MGAM2: variants seen among roughly 807,000 people sequenced by gnomAD.
The protein encoded by MGAM2 is probable maltase-glucoamylase 2.
A neutral mutation model predicts 96.1 loss-of-function variants in MGAM2; 98 were observed. The observed-to-expected ratio is 1.02, with a 90% CI of 0.87 to 1.21. The LOEUF (loss-of-function observed/expected upper bound fraction) is 1.21, where lower values mean the gene tolerates loss of function less well. MGAM2 is among the 50% of genes most tolerant of loss of function. The probability of loss-of-function intolerance (pLI) is 0.00; values close to 1 mark genes in which losing one functional copy is unlikely to be tolerated. For synonymous variants in MGAM2, 749 were observed against 414.8 expected (o/e 1.81, Z -9.79); for missense variants, 2,055 against 1,182.4 (o/e 1.74, Z -10.82).
At position 142,114,153 on chromosome 7, in the gene MGAM2, G is replaced by GGAAAGAAAGAAAGAAAGAAA. The variant is rs772126693; in HGVS notation, c.-1+2389_-1+2408dup. Among the ~76,000 whole-genome samples the GGAAAGAAAGAAAGAAAGAAA allele has an allele frequency of 3.0e-3, 257 of 87,032 alleles. 2 individuals carry two copies. Among genetic ancestry groups the GGAAAGAAAGAAAGAAAGAAA allele is most frequent in the Admixed American group, 3.7e-3 (25 of 6,742 alleles). 57.1% of individuals were successfully genotyped at this position (87,032 alleles called of 152,430 possible). A position where few individuals can be genotyped will look rare whatever the true frequency, so the allele number is the denominator to read the frequency against. ...CTCAAAAAAAGAAAGAAAGAAAGAA[G>GGAAAGAAAGAAAGAAAGAAA]GAAAGAAAGAAAGAAAGAAAGAAAG... On this transcript the variant is annotated intron_variant, in intron 1 of 47. Coordinates refer to ENST00000477922, the MANE Select transcript of MGAM2 (RefSeq NM_001293626.2).
In MGAM2 at chr7:142,221,161, T is replaced by C; in HGVS notation, c.6650T>C (p.Ile2217Thr). The change falls in exon 48 of 48, where the codon ATT (isoleucine) becomes ACT (threonine). Residue 2217 changes from isoleucine to threonine, a missense_variant. Physicochemically the swap from Ile to Thr is moderately conservative, Grantham distance 89 (BLOSUM62 -1). Coordinates refer to ENST00000477922, the MANE Select transcript of MGAM2 (RefSeq NM_001293626.2). ...ESTNAMNTTV[I>T]MATTSPTSTD... ...ACTAATGCTATGAACACTACTGTTA[T>C]TATGGCAACTACTTCTCCTACAAGT... 1.4e-6 allele frequency: 1 copy of C among 702,546 alleles called. No individual in the cohort carries two copies. The highest frequency in any genetic ancestry group is 1.5e-5 in the South Asian group (1 of 67,584). 43.5% of individuals were successfully genotyped at this position (702,546 alleles called of 1,614,324 possible). A position where few individuals can be genotyped will look rare whatever the true frequency, so the allele number is the denominator to read the frequency against.
At position 142,116,385 on chromosome 7, in the gene MGAM2, G is replaced by A. The variant is rs574867097; in HGVS notation, c.1-489G>A. Among the ~76,000 whole-genome samples the A allele has an allele frequency of 4.6e-5, 7 of 152,254 alleles. No homozygotes were observed. In the East Asian group the frequency reaches 5.8e-4, roughly 13 times the overall value. On this transcript the variant is annotated intron_variant, in intron 1 of 47. Coordinates refer to ENST00000477922, the MANE Select transcript of MGAM2 (RefSeq NM_001293626.2). Reference sequence around the variant, plus strand: ...CCAGATCCTTGAGAGTGTCAGTGACGTTTAAACAGTCTCAACAGTGACTTC... The same window carrying A: ...CCAGATCCTTGAGAGTGTCAGTGACATTTAAACAGTCTCAACAGTGACTTC...
At chr7:142,159,630 T>C (rs1365603588) in intron 20 of MGAM2, among the ~76,000 whole-genome samples, 1 of 152,176 alleles carries the variant, frequency 6.6e-6, no homozygotes, top group Non-Finnish European at 1.5e-5. Context: ...AGGCCCTCTC[T>C]GCTTCACTGA....
rs112697629 is a variant in MGAM2 at position 142,140,833 on chromosome 7, A to G, written c.1118A>G (p.Asp373Gly). The change falls in exon 11 of 48, where the codon GAT (aspartate) becomes GGT (glycine). Residue 373 changes from aspartate (D) to glycine (G), a missense_variant. Asp to Gly is a moderately conservative substitution (Grantham distance 94). Coordinates refer to ENST00000477922, the MANE Select transcript of MGAM2 (RefSeq NM_001293626.2). The stretch of plus-strand genomic sequence containing the variant: ...CAGTACTCTGACATAGACTACATGG[A>G]TGGAAAGAAGGATTTCACTGTTGAT... ...DVQYSDIDYM[D>G]GKKDFTVDEV... 1 of 702,978 alleles carries G rather than the reference A, an allele frequency of 1.4e-6. No individual in the cohort carries two copies. Among genetic ancestry groups the G allele is most frequent in the Non-Finnish European group, 2.6e-6 (1 of 384,968 alleles). The allele number at this position is 702,978 out of a possible 1,614,324, so 43.5% of individuals were successfully genotyped here. A position where few individuals can be genotyped will look rare whatever the true frequency, so the allele number is the denominator to read the frequency against.
At position 142,188,509 on chromosome 7, in the gene MGAM2, T is replaced by C. The variant is rs1274548175; in HGVS notation, c.4207+675T>C. Among the ~76,000 whole-genome samples, 6 of 152,282 alleles carry C rather than the reference T, an allele frequency of 3.9e-5. No homozygotes were observed. The East Asian group carries it at 1.2e-3, about 29-fold the overall frequency. On this transcript the variant is annotated intron_variant, in intron 36 of 47. Transcript: ENST00000477922. ...AACAAAAGGCATTATACCAGTAATCTATGGGACAGAATCTAGAATTCAAGT... is the reference window on the plus strand; with the variant it reads ...AACAAAAGGCATTATACCAGTAATCCATGGGACAGAATCTAGAATTCAAGT...
At chr7:142,142,818 G>T (rs996134654) in intron 12 of MGAM2, among the ~76,000 whole-genome samples, 2 of 152,148 alleles carry the variant, frequency 1.3e-5, no homozygotes, top group African/African-American at 4.8e-5. Flanking sequence ...AAAGTGTTGG[G>T]ATTACAGGCG....
intron 1 of MGAM2, among the ~76,000 whole-genome samples, chr7:142,115,341 C>T (rs561100354): frequency 3.9e-5 from 6 of 152,344 alleles, no homozygotes; most frequent in East Asian, 1.9e-4. Context: ...GAGTTACGTG[C>T]GGCAGCACAG....
intron 19 of MGAM2, 80 bp downstream of exon 19, chr7:142,158,412 C>A: frequency 1.5e-6 from 1 of 661,758 alleles, no homozygotes; most frequent in Admixed American, 2.3e-5. Context: ...TGGTTCCTAT[C>A]TATGACTGCA....
intron 7 of MGAM2, among the ~76,000 whole-genome samples, chr7:142,135,047 T>C (rs1245943703): frequency 2.0e-5 from 3 of 152,200 alleles, no homozygotes; most frequent in Non-Finnish European, 2.9e-5. Flanking sequence ...CATAGGTTTG[T>C]AGAGCATGTC....
At chr7:142,131,876 G>C (rs1794899405) in intron 5 of MGAM2, 55 bp from the exon 6 acceptor site, 2 of 664,634 alleles carry the variant, frequency 3.0e-6, no homozygotes, top group East Asian at 5.4e-5. Flanking sequence ...TTGTAGCTCT[G>C]TCTACAAGGA....
chr7:142,129,702 G>A (rs1224067954), intron 3 of MGAM2, among the ~76,000 whole-genome samples: 4 of 151,302 alleles, frequency 2.6e-5, no homozygotes, highest in African/African-American at 7.3e-5. Context: ...GTGGGAGCCT[G>A]TAATCCTAGC....
intron 1 of MGAM2, among the ~76,000 whole-genome samples, chr7:142,115,402 TAG>T (rs776149239): frequency 6.6e-6 from 1 of 151,996 alleles, no homozygotes; most frequent in Non-Finnish European, 1.5e-5. Flanking sequence ...TGTTAGCAGA[TAG>T]AGAGCGAGGA....
chr7:142,117,063 T>C (rs1231308847), intron 2 of MGAM2, 84 bp downstream of exon 2: 1 of 694,866 alleles, frequency 1.4e-6, no homozygotes, highest in Non-Finnish European at 2.6e-6. Context: ...TCTTTTACTT[T>C]TCAATATGCC....
chr7:142,175,594 T>C, intron 31 of MGAM2, 58 bp from the exon 32 acceptor site: 2 of 686,614 alleles, frequency 2.9e-6, no homozygotes, highest in Non-Finnish European at 5.3e-6. Flanking sequence ...GAGCAGTTAA[T>C]GTGCCCTGCA....
At chr7:142,159,477 G>A (rs142655922) in intron 20 of MGAM2, 134 bp downstream of exon 20, 1 of 608,952 alleles carries the variant, frequency 1.6e-6, no homozygotes, top group East Asian at 2.9e-5. Context: ...CTTTTTCTGT[G>A]AGAAAGGCAT....
intron 32 of MGAM2, among the ~76,000 whole-genome samples, chr7:142,179,196 A>G (rs1455371983): frequency 2.0e-5 from 3 of 152,174 alleles, no homozygotes; most frequent in Non-Finnish European, 4.4e-5. Context: ...TAATTTTTGT[A>G]CATTAATTTT....
In MGAM2 at chr7:142,172,818, C is replaced by A. The variant is rs1231412469; in HGVS notation, c.3561+54C>A. The A allele has an allele frequency of 9.1e-6, 6 of 656,994 alleles. No individual in the cohort carries two copies. The Admixed American group carries it at 9.3e-5, about 10-fold the overall frequency. 40.7% of individuals were successfully genotyped at this position (656,994 alleles called of 1,614,324 possible). ...TTGTCAAATATTTATTGGCTATTAC[C>A]ACATTATTAGCACTGAGATAGGGCA... On this transcript the variant is annotated intron_variant, in intron 30 of 47. Coordinates refer to ENST00000477922, the MANE Select transcript of MGAM2 (RefSeq NM_001293626.2).
At chr7:142,124,015 C>T (rs960497415) in intron 3 of MGAM2, among the ~76,000 whole-genome samples, 25 of 144,906 alleles carry the variant, frequency 1.7e-4, no homozygotes, top group Admixed American at 1.0e-3. Context: ...CTCTGTCTCC[C>T]AGGCTGGAGC....
At position 142,197,628 on chromosome 7, in the gene MGAM2, T is replaced by C. The variant is rs1348499712; in HGVS notation, c.4782-16T>C. ...CATAAGAGGATAGGTGAATTTTTCC[T>C]GTTTATTTTTTTAAGGTTTACGGAT... is the stretch of plus-strand genomic sequence containing the variant. On this transcript the variant is annotated splice_polypyrimidine_tract_variant and intron_variant, in intron 41 of 47. Coordinates refer to ENST00000477922, the MANE Select transcript of MGAM2 (RefSeq NM_001293626.2). The C allele has an allele frequency of 1.4e-6, 1 of 702,908 alleles. No individual in the cohort carries two copies. Among genetic ancestry groups the C allele is most frequent in the East Asian group, 2.7e-5 (1 of 37,308 alleles). The allele number at this position is 702,908 out of a possible 1,614,324, so 43.5% of individuals were successfully genotyped here.
Sources: allele counts gnomAD v4.1 joint callset (sites outside exome capture counted in the v4.1 genomes callset), GRCh38; gene constraint gnomAD v4.1.1; transcripts MANE v1.5; gene names NCBI Gene and HGNC (gene_info 2026-07-23, HGNC 2026-07-21).